The following PLA1A variants were observed in gnomAD, a reference collection of about 807,000 sequenced individuals.
PLA1A encodes the protein phospholipase A1 member A, also known as phosphatidylserine-specific phospholipase A1alpha.
PLA1A carries 47 observed loss-of-function variants against 49.4 expected under a neutral mutation model. The ratio of observed to expected loss-of-function variants is 0.95; its 90% confidence interval spans 0.75 to 1.21. PLA1A has a LOEUF of 1.21. PLA1A is among the 50% of genes most tolerant of loss of function. The pLI is 0.00. For missense variants in PLA1A, 561 were observed against 563.9 expected, an observed-to-expected ratio of 0.99 and a Z score of 0.05; for synonymous variants, 224 against 207.9, an observed-to-expected ratio of 1.08 and a Z score of -0.67.
Position 119,622,624 on chromosome 3 carries a change from A to G in PLA1A, c.1013-2500A>G, listed in dbSNP as rs147972590. Among the ~76,000 whole-genome samples the G allele has an allele frequency of 1.2e-3, 186 of 152,290 alleles. 1 individual carries two copies. The East Asian group carries it at 0.03, about 24-fold the overall frequency. ...CATCCAGTTTATGTTCCCTTCCCCA[A>G]TGTTAGCCCATAAAATGTGGCAAAT... On this transcript the variant is annotated intron_variant, in intron 8 of 10. Coordinates refer to ENST00000273371, the MANE Select transcript of PLA1A (RefSeq NM_015900.4).
chr3:119,615,164 A>T (rs79398648), intron 5 of PLA1A, among the ~76,000 whole-genome samples: 3,347 of 152,344 alleles, frequency 0.022, 55 homozygotes, highest in Middle Eastern at 0.065. Flanking sequence ...CAGATGACAG[A>T]AGGAGAAAGT....
chr3:119,620,109 A>G (rs2280669), intron 8 of PLA1A: 235,522 of 456,852 alleles, frequency 0.52, 62,792 homozygotes, highest in East Asian at 0.88. Context: ...GCTCCTAACC[A>G]TGGCATTTCC....
At chr3:119,614,695 A>G (rs945486493) in intron 5 of PLA1A, among the ~76,000 whole-genome samples, 1 of 152,118 alleles carries the variant, frequency 6.6e-6, no homozygotes, top group Admixed American at 6.5e-5. Flanking sequence ...TACCTAAGCA[A>G]GGCCTCTCAG....
chr3:119,598,633 TCAC>T (rs970960577), intron 1 of PLA1A: 3 of 152,238 alleles, frequency 2.0e-5, no homozygotes, highest in Admixed American at 6.5e-5. Context: ...TATGGTGAGG[TCAC>T]CCTTAGAAAA....
rs1227553746 is a variant in PLA1A at position 119,609,507 on chromosome 3, G to T, written c.493G>T (p.Val165Phe). 14 of 1,613,234 alleles carry T rather than the reference G, an allele frequency of 8.7e-6. No individual in the cohort carries two copies. The highest frequency in any genetic ancestry group is 1.2e-5 in the Non-Finnish European group (14 of 1,179,330). Residue 165 changes from valine (V) to phenylalanine (F), a missense_variant, in exon 4 of 11, where the codon GTT (valine) becomes TTT (phenylalanine). Val to Phe is a conservative substitution (Grantham distance 50). Coordinates refer to ENST00000273371, the MANE Select transcript of PLA1A (RefSeq NM_015900.4). Reference sequence around the variant, plus strand: ...GGAATCCTCAATCCACATCATTGGTGTTAGCCTGGGGGCCCACGTTGGGGG... The same window carrying T: ...GGAATCCTCAATCCACATCATTGGTTTTAGCCTGGGGGCCCACGTTGGGGG... ...VSESSIHIIG[V>F]SLGAHVGGMV...
rs147820756 is a variant in PLA1A, at chr3:119,624,159, C to T, written c.1013-965C>T. Among the ~76,000 whole-genome samples, 550 of 152,304 alleles carry T rather than the reference C, an allele frequency of 3.6e-3. 5 individuals are homozygous for T. The highest frequency in any genetic ancestry group is 0.012 in the African/African-American group (518 of 41,546). On this transcript the variant is annotated intron_variant, in intron 8 of 10. Transcript: ENST00000273371. ...GAGGCTGGGAAGTCCCAGATCAAGG[C>T]GCCGGCACTCCATGTCTATAAGGGT... is the stretch of plus-strand genomic sequence containing the variant.
intron 6 of PLA1A, 54 bp from the exon 7 acceptor site, chr3:119,617,965 A>G (rs562583050): frequency 7.1e-7 from 1 of 1,403,028 alleles, no homozygotes; most frequent in South Asian, 1.3e-5. Context: ...ACTAAACAGC[A>G]TAGATTTCCA....
chr3:119,628,557 G>GACACAAAGGACTGTGGTA, intron 9 of PLA1A, 144 bp from the exon 10 acceptor site: 1 of 628,716 alleles, frequency 1.6e-6, no homozygotes, highest in Non-Finnish European at 2.8e-6. Flanking sequence ...TGGTGAAGGT[G>GACACAAAGGACTGTGGTA]ACACAAAGGA....
chr3:119,619,987 C>G (rs917105903), intron 8 of PLA1A: 3 of 463,132 alleles, frequency 6.5e-6, no homozygotes, highest in African/African-American at 5.9e-5. Flanking sequence ...TTGGCGCCCA[C>G]CCTATGTGGT....
chr3:119,601,944 G>A (rs1340772462), intron 1 of PLA1A, among the ~76,000 whole-genome samples: 3 of 151,948 alleles, frequency 2.0e-5, no homozygotes, highest in Non-Finnish European at 2.9e-5. Context: ...TTGTTCATAC[G>A]TGAATTATAT....
chr3:119,609,646 T>A, intron 4 of PLA1A, 70 bp downstream of exon 4: 1 of 846,694 alleles, frequency 1.2e-6, no homozygotes, highest in Non-Finnish European at 2.0e-6. Context: ...ATATCTCTTC[T>A]AAAGCAAGCA....
intron 1 of PLA1A, among the ~76,000 whole-genome samples, chr3:119,604,001 A>G (rs2082651070): frequency 6.6e-6 from 1 of 152,238 alleles, no homozygotes; most frequent in Admixed American, 6.5e-5. Flanking sequence ...TTATTTTAAC[A>G]ACCCAAGTGC....
intron 8 of PLA1A, 105 bp from the exon 9 acceptor site, chr3:119,625,019 T>A: frequency 1.4e-6 from 1 of 691,894 alleles, no homozygotes; most frequent in Non-Finnish European, 2.6e-6. Flanking sequence ...ACACAGCCAC[T>A]AAGAGATAGA....
intron 9 of PLA1A, 97 bp from the exon 10 acceptor site, chr3:119,628,604 C>T (rs2052578396): frequency 1.8e-6 from 2 of 1,119,328 alleles, no homozygotes; most frequent in Non-Finnish European, 2.6e-6. Context: ...GCATGACAGC[C>T]AACCAGTGCC....
intron 5 of PLA1A, among the ~76,000 whole-genome samples, chr3:119,614,351 C>G (rs1250085624): frequency 6.6e-6 from 1 of 152,108 alleles, no homozygotes; most frequent in African/African-American, 2.4e-5. Context: ...CACCTGTAAT[C>G]CCAGCACTTT....
At chr3:119,623,017 C>T (rs1246912320) in intron 8 of PLA1A, among the ~76,000 whole-genome samples, 3 of 152,072 alleles carry the variant, frequency 2.0e-5, no homozygotes, top group Non-Finnish European at 2.9e-5. Flanking sequence ...TTAGTAGAGA[C>T]GGTGTTTCAC....
intron 1 of PLA1A, among the ~76,000 whole-genome samples, chr3:119,599,963 A>G (rs1204982247): frequency 1.3e-5 from 2 of 151,618 alleles, no homozygotes; most frequent in African/African-American, 4.9e-5. Context: ...CAGAGATAGA[A>G]GTGTGTGTGC....
rs1231956985 is a variant in PLA1A at position 119,619,571 on chromosome 3, G to A, written c.931G>A (p.Glu311Lys). 2 of 1,612,688 alleles carry A rather than the reference G, an allele frequency of 1.2e-6. No individual in the cohort carries two copies. The highest frequency in any genetic ancestry group is 1.3e-5 in the African/African-American group (1 of 74,872). The change falls in exon 8 of 11, where the codon GAA becomes AAA. Residue 311 changes from glutamate (E) to lysine (K), a missense_variant. Transcript: ENST00000273371. ...TGCTTCTTTATTTCCAGGACTGGTG[G>A]AACAAGGTGGTGTCAAGATAGAGCC... is the stretch of plus-strand genomic sequence containing the variant. ...LLSCPRIGLVEQGGVKIEPLP... is the reference protein window; with the variant it reads ...LLSCPRIGLVKQGGVKIEPLP...
intron 1 of PLA1A, among the ~76,000 whole-genome samples, chr3:119,601,358 T>C (rs1237491905): frequency 1.3e-5 from 2 of 152,188 alleles, no homozygotes; most frequent in Admixed American, 1.3e-4. Context: ...CTGTCATATA[T>C]GCCTGAGAGT....
Sources: allele counts gnomAD v4.1 joint callset (sites outside exome capture counted in the v4.1 genomes callset), GRCh38; gene constraint gnomAD v4.1.1; transcripts MANE v1.5; gene names NCBI Gene and HGNC (gene_info 2026-07-23, HGNC 2026-07-21).